The following SCN8A variants were observed in gnomAD, a reference collection of about 807,000 sequenced individuals.
SCN8A encodes sodium channel protein type 8 subunit alpha.
A neutral mutation model predicts 184.1 loss-of-function variants in SCN8A; 30 were observed. The observed-to-expected ratio is 0.16, with a 90% confidence interval of 0.12 to 0.22. The LOEUF (loss-of-function observed/expected upper bound fraction) is 0.22, where lower values mean the gene tolerates loss of function less well. Among genes scored for constraint, SCN8A ranks in the 10% least tolerant of loss-of-function variants. SCN8A has a pLI of 1.00. For synonymous variants in SCN8A, 852 were observed against 907.0 expected (o/e 0.94, Z 1.09); for missense variants, 1,057 against 2,498.9 (o/e 0.42, Z 12.30).
intron 12 of SCN8A, among the ~76,000 whole-genome samples, chr12:51,729,731 A>C (rs1942210915): frequency 6.6e-6 from 1 of 152,190 alleles, no homozygotes; most frequent in Non-Finnish European, 1.5e-5. Flanking sequence ...CTAATTTATA[A>C]GAAGTTGCCA....
intron 1 of SCN8A, among the ~76,000 whole-genome samples, chr12:51,597,443 A>T (rs1939373407): frequency 6.6e-6 from 1 of 152,136 alleles, no homozygotes; most frequent in African/African-American, 2.4e-5. Context: ...GTGGATGCTT[A>T]CTTATCCAGG....
At chr12:51,720,624 A>T (rs575492271) in intron 11 of SCN8A, among the ~76,000 whole-genome samples, 7 of 152,170 alleles carry the variant, frequency 4.6e-5, no homozygotes, top group African/African-American at 1.7e-4. Flanking sequence ...AGAAAAGGAA[A>T]AGTAAATAAA....
rs1938864418 is a variant in SCN8A, at chr12:51,810,690, G to C, written c.*3261G>C. On this transcript the variant is annotated 3_prime_UTR_variant, in exon 27 of 27. Transcript: ENST00000627620. Reference sequence around the variant, plus strand: ...GCAGAGCCAAAGCCACTGAGCAGCAGCTGACATGGTTGCTGGTTTGTGTGT... The same window carrying C: ...GCAGAGCCAAAGCCACTGAGCAGCACCTGACATGGTTGCTGGTTTGTGTGT... 1 of 153,412 alleles carries C rather than the reference G, an allele frequency of 6.5e-6. No individual in the cohort carries two copies. The highest frequency in any genetic ancestry group is 1.4e-5 in the Non-Finnish European group (1 of 69,034). 9.5% of individuals were successfully genotyped at this position (153,412 alleles called of 1,614,324 possible).
chr12:51,798,894 C>A (rs1938483783), intron 26 of SCN8A, among the ~76,000 whole-genome samples: 1 of 152,232 alleles, frequency 6.6e-6, no homozygotes, highest in African/African-American at 2.4e-5. Context: ...AAACCATTTG[C>A]TACAGCCCAT....
At chr12:51,676,373 A>G (rs1032767204) in intron 2 of SCN8A, among the ~76,000 whole-genome samples, 1 of 152,214 alleles carries the variant, frequency 6.6e-6, no homozygotes, top group African/African-American at 2.4e-5. Context: ...TCATTTTTAC[A>G]TAACAGGTCA....
At position 51,741,565 on chromosome 12, in the gene SCN8A, C is replaced by T. The variant is rs112331048; in HGVS notation, c.1999-4338C>T. 1.1e-3 allele frequency among the ~76,000 whole-genome samples: 173 copies of T among 152,010 alleles called. No individual in the cohort carries two copies. The Middle Eastern group carries it at 0.014, about 12-fold the overall frequency. ...TCTTCCCTTCCTTCCTTGTCTTCCC[C>T]TTAGTGAAGGTTATTTTCTCTGGTG... On this transcript the variant is annotated intron_variant, in intron 12 of 26. Coordinates refer to ENST00000627620, the MANE Select transcript of SCN8A (RefSeq NM_001330260.2).
intron 1 of SCN8A, among the ~76,000 whole-genome samples, chr12:51,616,575 C>T (rs747955547): frequency 2.6e-5 from 4 of 151,986 alleles, no homozygotes; most frequent in Admixed American, 6.5e-5. Context: ...TGCACCACTG[C>T]ACCCCAGCCT....
At chr12:51,639,670 A>G (rs969191417) in intron 1 of SCN8A, among the ~76,000 whole-genome samples, 4 of 152,058 alleles carry the variant, frequency 2.6e-5, no homozygotes, top group East Asian at 1.9e-4. Context: ...GAATTGATCA[A>G]TACAGGAAAC....
intron 12 of SCN8A, 54 bp downstream of exon 12, chr12:51,721,962 A>G: frequency 6.3e-7 from 1 of 1,598,834 alleles, no homozygotes; most frequent in Middle Eastern, 1.7e-4. Flanking sequence ...ACACAAATAG[A>G]TCGAGGCTAG....
intron 12 of SCN8A, among the ~76,000 whole-genome samples, chr12:51,725,426 G>A (rs558966918): frequency 6.6e-6 from 1 of 152,210 alleles, no homozygotes; most frequent in Admixed American, 6.5e-5. Flanking sequence ...ATACTTTTCT[G>A]TTCTTTCTGG....
intron 18 of SCN8A, 63 bp downstream of exon 18, chr12:51,770,048 C>T (rs1942901120): frequency 4.2e-6 from 5 of 1,182,158 alleles, no homozygotes; most frequent in Non-Finnish European, 6.1e-6. Flanking sequence ...CACAGTTGTG[C>T]CAGGGCTAGT....
intron 12 of SCN8A, among the ~76,000 whole-genome samples, chr12:51,731,245 T>C (rs1942236438): frequency 6.6e-6 from 1 of 151,876 alleles, no homozygotes; most frequent in South Asian, 2.1e-4. Context: ...TTTTTCTTCT[T>C]CTTTTTTTTT....
At chr12:51,758,971 T>C (rs1238578128) in intron 14 of SCN8A, among the ~76,000 whole-genome samples, 1 of 148,578 alleles carries the variant, frequency 6.7e-6, no homozygotes, top group Non-Finnish European at 1.5e-5. Flanking sequence ...TACACATACA[T>C]GTATGTATGT....
intron 6 of SCN8A, among the ~76,000 whole-genome samples, chr12:51,694,839 G>C (rs1375175825): frequency 6.6e-6 from 1 of 152,194 alleles, no homozygotes; most frequent in Non-Finnish European, 1.5e-5. Flanking sequence ...TGGTACGAGG[G>C]AGCGCTTTCA....
At chr12:51,790,231 C>T (rs559791517) in intron 24 of SCN8A, among the ~76,000 whole-genome samples, 167 bp from the exon 25 acceptor site, 1 of 152,294 alleles carries the variant, frequency 6.6e-6, no homozygotes, top group Admixed American at 6.5e-5. Context: ...GCAGGTATCT[C>T]TTTAGAGCTG....
intron 11 of SCN8A, among the ~76,000 whole-genome samples, chr12:51,710,060 T>C (rs1456078317): frequency 2.6e-5 from 4 of 152,102 alleles, no homozygotes; most frequent in African/African-American, 9.7e-5. Context: ...AAACATCTTA[T>C]TGAAGGGAAT....
At chr12:51,651,132 C>G (rs1940704405) in intron 1 of SCN8A, among the ~76,000 whole-genome samples, 1 of 152,196 alleles carries the variant, frequency 6.6e-6, no homozygotes, top group Non-Finnish European at 1.5e-5. Context: ...TCCTTGCTCT[C>G]ATTCCCGTAA....
At chr12:51,745,877 T>G in intron 12 of SCN8A, 26 bp from the exon 13 acceptor site, 1 of 1,541,268 alleles carries the variant, frequency 6.5e-7, no homozygotes, top group Non-Finnish European at 8.7e-7. Context: ...CTCACTCTAT[T>G]TGCTTTTCTT....
chr12:51,687,316 G>C, intron 5 of SCN8A, 97 bp downstream of exon 5: 1 of 1,364,716 alleles, frequency 7.3e-7, no homozygotes, highest in Non-Finnish European at 1.0e-6. Flanking sequence ...TGTGGACACA[G>C]CTGTATGAGG....
Sources: allele counts gnomAD v4.1 joint callset (sites outside exome capture counted in the v4.1 genomes callset), GRCh38; gene constraint gnomAD v4.1.1; transcripts MANE v1.5; gene names NCBI Gene and HGNC (gene_info 2026-07-23, HGNC 2026-07-21).